FAM193A: variants seen among roughly 807,000 people sequenced by gnomAD.
The protein encoded by FAM193A is protein FAM193A.
Under a neutral mutation model 126.5 loss-of-function variants are expected in FAM193A, and 22 were observed. The observed-to-expected ratio is 0.17, with a 90% CI of 0.12 to 0.25. FAM193A has a LOEUF of 0.25. Among genes scored for constraint, FAM193A ranks in the 10% least tolerant of loss-of-function variants. The probability of loss-of-function intolerance (pLI) is 1.00; values close to 1 mark genes in which losing one functional copy is unlikely to be tolerated. For synonymous variants in FAM193A, 761 were observed against 646.8 expected (o/e 1.18, Z -2.68); for missense variants, 1,675 against 1,672.8 (o/e 1.00, Z -0.02).
intron 20 of FAM193A, among the ~76,000 whole-genome samples, chr4:2,722,828 CAAAT>C (rs779397240): frequency 7.2e-5 from 11 of 152,232 alleles, no homozygotes; most frequent in South Asian, 4.1e-4. Flanking sequence ...AGTTTAGAGA[CAAAT>C]AAGTAAGTAA....
chr4:2,676,042 G>A (rs1275007053), intron 13 of FAM193A, among the ~76,000 whole-genome samples: 2 of 152,198 alleles, frequency 1.3e-5, no homozygotes, highest in African/African-American at 4.8e-5. Context: ...GTGAACACGT[G>A]TTGTTTCCAT....
At chr4:2,705,121 G>A (rs192351915) in intron 19 of FAM193A, among the ~76,000 whole-genome samples, 3 of 152,062 alleles carry the variant, frequency 2.0e-5, no homozygotes, top group Non-Finnish European at 2.9e-5. Context: ...CGTGTTAGCC[G>A]GGATGGTCTC....
rs1360710455 is a variant in FAM193A, at chr4:2,694,930, G to A, written c.3093-16G>A. The stretch of plus-strand genomic sequence containing the variant: ...GGGCCGGCCACTTGCTGATGAGCTT[G>A]TATGCGGTTTTGCAGTGACCCTGAC... On this transcript the variant is annotated splice_polypyrimidine_tract_variant and intron_variant, in intron 16 of 20. Coordinates refer to ENST00000637812, the MANE Select transcript of FAM193A (RefSeq NM_001366318.2). 1.9e-6 allele frequency: 3 copies of A among 1,576,588 alleles called. No individual in the cohort carries two copies. The South Asian group carries it at 3.5e-5, about 19-fold the overall frequency.
intron 20 of FAM193A, among the ~76,000 whole-genome samples, chr4:2,716,794 A>G (rs559785738): frequency 3.9e-5 from 6 of 152,142 alleles, no homozygotes; most frequent in Admixed American, 6.6e-5. Flanking sequence ...CTCCTGCCTC[A>G]GCCTCCAGAC....
chr4:2,551,494 TTCTC>T (rs1371412295), intron 1 of FAM193A, among the ~76,000 whole-genome samples: 2 of 152,236 alleles, frequency 1.3e-5, no homozygotes, highest in Non-Finnish European at 2.9e-5. Context: ...AATTATTTCT[TTCTC>T]TATGTTAGTA....
At chr4:2,536,642 C>G (rs1454775665), upstream of FAM193A, 1 of 137,274 alleles carries the variant, frequency 7.3e-6, no homozygotes, top group East Asian at 2.5e-4. Context: ...CCGACGTAAA[C>G]TGGGATCCCT....
rs34320054 is a variant in FAM193A at position 2,561,497 on chromosome 4, C to CTT, written c.255+24343_255+24344dup. Among the ~76,000 whole-genome samples the CTT allele has an allele frequency of 1.1e-3, 135 of 117,552 alleles. 2 individuals carry two copies. The highest frequency in any genetic ancestry group is 5.9e-3 in the Middle Eastern group (1 of 170). The allele number at this position is 117,552 out of a possible 152,430, so 77.1% of individuals were successfully genotyped here. On this transcript the variant is annotated intron_variant, in intron 1 of 20. Transcript: ENST00000637812. ...CATGCCTGGCTGCTTGTAGAGATTT[C>CTT]TTTTTTTTTTTTTTTTTGAGACCGA...
intron 1 of FAM193A, among the ~76,000 whole-genome samples, chr4:2,572,632 G>A (rs1353367427): frequency 3.3e-5 from 5 of 152,192 alleles, no homozygotes; most frequent in South Asian, 2.1e-4. Context: ...TGTGGGAGGC[G>A]ACATGTTGCT....
At chr4:2,563,703 T>A (rs1216996167) in intron 1 of FAM193A, among the ~76,000 whole-genome samples, 1 of 152,214 alleles carries the variant, frequency 6.6e-6, no homozygotes, top group African/African-American at 2.4e-5. Flanking sequence ...AAAAAAATGA[T>A]CTCAGCAGAA....
In FAM193A at chr4:2,672,109, C is replaced by G. The variant is rs199576427; in HGVS notation, c.2080-12C>G. 6 of 1,601,230 alleles carry G rather than the reference C, an allele frequency of 3.7e-6. No homozygotes were observed. The highest frequency in any genetic ancestry group is 3.6e-5 in the Admixed American group (2 of 56,158). On this transcript the variant is annotated splice_polypyrimidine_tract_variant and intron_variant, in intron 12 of 20. Coordinates refer to ENST00000637812, the MANE Select transcript of FAM193A (RefSeq NM_001366318.2). ...TTCACTAAATAGGTATGTTTTTTTT[C>G]TTTCCTCTTAGGCTGAACAAGCTCC...
At chr4:2,602,090 C>T (rs533201401) in intron 2 of FAM193A, among the ~76,000 whole-genome samples, 21 of 152,174 alleles carry the variant, frequency 1.4e-4, no homozygotes, top group African/African-American at 2.4e-4. Flanking sequence ...CCTCCTGCTG[C>T]GGCCTCCCAA....
At chr4:2,641,609 C>A (rs1196667354) in intron 6 of FAM193A, among the ~76,000 whole-genome samples, 1 of 151,800 alleles carries the variant, frequency 6.6e-6, no homozygotes, top group East Asian at 2.0e-4. Flanking sequence ...GAGCTGAAAT[C>A]GTGCCACTGC....
chr4:2,587,571 A>C (rs953147173), intron 1 of FAM193A, among the ~76,000 whole-genome samples: 1 of 152,062 alleles, frequency 6.6e-6, no homozygotes, highest in African/African-American at 2.4e-5. Flanking sequence ...GCATGCCTGT[A>C]GTTCCAGCTA....
chr4:2,536,362 A>G (rs1374872035), upstream of FAM193A, among the ~76,000 whole-genome samples: 1 of 151,590 alleles, frequency 6.6e-6, no homozygotes, highest in Non-Finnish European at 1.5e-5. Context: ...CGCCGCATCC[A>G]GCTCCCTGGC....
chr4:2,728,951 G>A (rs1212624058), intron 20 of FAM193A, among the ~76,000 whole-genome samples: 2 of 118,180 alleles, frequency 1.7e-5, no homozygotes, highest in South Asian at 2.6e-4. Flanking sequence ...GGTTCTGTCC[G>A]TCCAGGCCGT....
intron 1 of FAM193A, among the ~76,000 whole-genome samples, chr4:2,573,529 A>G (rs1197591595): frequency 1.3e-5 from 2 of 150,330 alleles, no homozygotes; most frequent in South Asian, 2.1e-4. Context: ...AAAAAAAAAA[A>G]GGTCCGTGTG....
intron 2 of FAM193A, among the ~76,000 whole-genome samples, chr4:2,609,651 C>T (rs953439902): frequency 5.3e-5 from 8 of 152,214 alleles, no homozygotes; most frequent in African/African-American, 1.4e-4. Flanking sequence ...CCGTGCACGG[C>T]GGCCTAGGCC....
At chr4:2,725,208 C>CTA (rs764721893) in intron 20 of FAM193A, among the ~76,000 whole-genome samples, 95 of 151,832 alleles carry the variant, frequency 6.3e-4, no homozygotes, top group East Asian at 1.2e-3. Context: ...AAATTAAAAA[C>CTA]TATATATATA....
At chr4:2,730,129 A>G (rs562929399) in intron 20 of FAM193A, among the ~76,000 whole-genome samples, 2 of 152,088 alleles carry the variant, frequency 1.3e-5, no homozygotes, top group East Asian at 1.9e-4. Flanking sequence ...GCTGGTCTCA[A>G]ACGCCTGGGT....
Sources: gnomAD v4.1 joint callset for allele counts (sites outside exome capture counted in the v4.1 genomes callset) on GRCh38, gnomAD v4.1.1 for gene constraint, MANE v1.5 for transcripts, NCBI Gene and HGNC (gene_info 2026-07-23, HGNC 2026-07-21) for gene names.